The following COL5A2 variants were observed in gnomAD, a reference collection of about 807,000 sequenced individuals.
The protein encoded by COL5A2 is collagen type V alpha 2 chain.
COL5A2 carries 23 observed loss-of-function variants against 208.2 expected under a neutral mutation model. The ratio of observed to expected loss-of-function variants is 0.11; its 90% confidence interval spans 0.08 to 0.16. COL5A2 has a LOEUF of 0.16. COL5A2 is among the 10% of genes least tolerant of loss of function. COL5A2 has a pLI of 1.00. For missense variants in COL5A2, 1,590 were observed against 1,956.4 expected (o/e 0.81, Z 3.53); for synonymous variants, 625 against 628.5 (o/e 0.99, Z 0.08).
At chr2:189,247,342 C>T in the COL5A2 span, among the ~76,000 whole-genome samples, 242 of 152,124 alleles carry the variant, frequency 1.6e-3, no homozygotes, top group African/African-American at 5.4e-3. Flanking sequence ...GTGCTGTGTA[C>T]CCCATCCTTT....
chr2:189,248,156 T>C, the COL5A2 span, among the ~76,000 whole-genome samples: 1 of 152,234 alleles, frequency 6.6e-6, no homozygotes, highest in Non-Finnish European at 1.5e-5. Context: ...AACGTTATAG[T>C]TTCTTTGATA....
chr2:189,435,185 T>C, the COL5A2 span, among the ~76,000 whole-genome samples: 1 of 152,162 alleles, frequency 6.6e-6, no homozygotes, highest in Non-Finnish European at 1.5e-5. Flanking sequence ...TCAAGATGGA[T>C]TAAAGACTTA....
chr2:189,144,267 C>T (rs1183419897), intron 1 of COL5A2, among the ~76,000 whole-genome samples: 1 of 152,076 alleles, frequency 6.6e-6, no homozygotes, highest in Non-Finnish European at 1.5e-5. Context: ...GTTTGACACA[C>T]AGTTTCAGTA....
At chr2:189,041,783 G>C in intron 49 of COL5A2, 90 bp from the exon 50 acceptor site, 1 of 772,508 alleles carries the variant, frequency 1.3e-6, no homozygotes, top group East Asian at 2.6e-5. Context: ...TACATATGGA[G>C]CTGTAACAGT....
rs35316621 is a variant in COL5A2, at chr2:189,046,550, C to T, written c.3202-643G>A. ...GAAGGATTTGGAAAATAAAGAGGCT[C>T]CTTTTTATTTTATCCAGATGACACA... On this transcript the variant is annotated intron_variant, in intron 45 of 53. Coordinates refer to ENST00000374866, the MANE Select transcript of COL5A2 (RefSeq NM_000393.5). 3.8e-3 allele frequency among the ~76,000 whole-genome samples: 577 copies of T among 152,224 alleles called. 1 individual carries two copies. Among genetic ancestry groups the T allele is most frequent in the Admixed American group, 7.7e-3 (118 of 15,278 alleles).
chr2:189,407,493 C>T, the COL5A2 span, among the ~76,000 whole-genome samples: 1 of 152,130 alleles, frequency 6.6e-6, no homozygotes, highest in South Asian at 2.1e-4. Context: ...ACATAGTTTT[C>T]TAAGTTACTA....
At chr2:189,207,899 A>C (rs1171563324) in intron 1 of COL5A2, among the ~76,000 whole-genome samples, 2 of 151,980 alleles carry the variant, frequency 1.3e-5, no homozygotes, top group African/African-American at 4.8e-5. Context: ...TCTGATCGCT[A>C]CTCTTGCCAT....
At chr2:189,199,916 T>TGCA (rs1689050443) in intron 1 of COL5A2, among the ~76,000 whole-genome samples, 3 of 152,306 alleles carry the variant, frequency 2.0e-5, no homozygotes, top group African/African-American at 7.2e-5. Context: ...GACACTCTTG[T>TGCA]CCTCTGGCTT....
At chr2:189,292,652 G>A in the COL5A2 span, among the ~76,000 whole-genome samples, 1 of 152,164 alleles carries the variant, frequency 6.6e-6, no homozygotes, top group Admixed American at 6.6e-5. Flanking sequence ...TGACACTGTT[G>A]GTGGGACTGT....
chr2:189,228,823 T>C (rs1689448182), upstream of COL5A2, among the ~76,000 whole-genome samples: 1 of 151,858 alleles, frequency 6.6e-6, no homozygotes, highest in African/African-American at 2.4e-5. Flanking sequence ...AAGCCAGCAT[T>C]ATTCCGATAC....
chr2:189,094,249 C>T (rs1195986354), intron 6 of COL5A2, among the ~76,000 whole-genome samples: 1 of 151,964 alleles, frequency 6.6e-6, no homozygotes, highest in African/African-American at 2.4e-5. Context: ...TTAATAAAAA[C>T]GTCTATAAAA....
chr2:189,325,374 C>A, the COL5A2 span, among the ~76,000 whole-genome samples: 169 of 151,430 alleles, frequency 1.1e-3, no homozygotes, highest in African/African-American at 3.7e-3. Flanking sequence ...TGGGTCACTT[C>A]ATCCTTTTTC....
At chr2:189,071,412 T>C (rs965470494) in intron 18 of COL5A2, among the ~76,000 whole-genome samples, 2 of 152,214 alleles carry the variant, frequency 1.3e-5, no homozygotes, top group African/African-American at 4.8e-5. Flanking sequence ...GTCCTTCTAC[T>C]GTCATCCTTG....
chr2:189,057,290 G>GAA (rs34715449), intron 34 of COL5A2, 30 bp downstream of exon 34: 64,970 of 688,216 alleles, frequency 0.094, 316 homozygotes, highest in South Asian at 0.13. Flanking sequence ...TAAATGAACT[G>GAA]AAAAAAAAAA....
At chr2:189,081,154 T>G in intron 12 of COL5A2, 111 bp from the exon 13 acceptor site, 1 of 821,952 alleles carries the variant, frequency 1.2e-6, no homozygotes, top group Non-Finnish European at 2.1e-6. Context: ...TCCAGCAACA[T>G]ATTAAGAAGA....
intron 1 of COL5A2, among the ~76,000 whole-genome samples, chr2:189,124,620 TA>T (rs1687573754): frequency 6.6e-6 from 1 of 152,132 alleles, no homozygotes. Context: ...AAATGCAATT[TA>T]AAGAAAACTA....
chr2:189,432,104 A>G, the COL5A2 span, among the ~76,000 whole-genome samples: 1 of 152,236 alleles, frequency 6.6e-6, no homozygotes, highest in Non-Finnish European at 1.5e-5. Flanking sequence ...ACTAAGCTTC[A>G]TAAGTGAAGG....
chr2:189,251,656 G>GC, the COL5A2 span, among the ~76,000 whole-genome samples: 17 of 81,496 alleles, frequency 2.1e-4, no homozygotes, highest in Non-Finnish European at 5.5e-4. Context: ...TCAAAAGACA[G>GC]TAAAAAAAAA....
At chr2:189,091,672 A>G (rs980974989) in intron 7 of COL5A2, among the ~76,000 whole-genome samples, 5 of 152,206 alleles carry the variant, frequency 3.3e-5, no homozygotes, top group Admixed American at 3.3e-4. Flanking sequence ...AAACAAAAAA[A>G]AATTCACATA....
Sources: gnomAD v4.1 joint callset for allele counts (sites outside exome capture counted in the v4.1 genomes callset) on GRCh38, gnomAD v4.1.1 for gene constraint, MANE v1.5 for transcripts, NCBI Gene and HGNC (gene_info 2026-07-23, HGNC 2026-07-21) for gene names.